E2F8: variants seen among roughly 807,000 people sequenced by gnomAD.
E2F8 encodes the protein E2F transcription factor 8, also known as transcription factor E2F8.
A neutral mutation model predicts 80.8 loss-of-function variants in E2F8; 35 were observed. The ratio of observed to expected loss-of-function variants is 0.43; its 90% CI spans 0.33 to 0.57. E2F8 has a LOEUF of 0.57. E2F8 is among the 20% of genes least tolerant of loss of function. The probability of loss-of-function intolerance (pLI) is 0.04; values close to 1 mark genes in which losing one functional copy is unlikely to be tolerated. For synonymous variants in E2F8, 386 were observed against 395.0 expected, an observed-to-expected ratio of 0.98 and a Z score of 0.27; for missense variants, 975 against 1,056.2, an observed-to-expected ratio of 0.92 and a Z score of 1.07.
intron 4 of E2F8, among the ~76,000 whole-genome samples, chr11:19,235,782 G>A (rs1027935993): frequency 6.6e-6 from 1 of 151,958 alleles, no homozygotes; most frequent in African/African-American, 2.4e-5. Context: ...CCTTCCAACC[G>A]CTTCCAATAC....
At position 19,229,483 on chromosome 11, in the gene E2F8, C is replaced by T; in HGVS notation, c.1864G>A (p.Asp622Asn). The T allele has an allele frequency of 1.2e-6, 2 of 1,613,944 alleles. No individual in the cohort carries two copies. Among genetic ancestry groups the T allele is most frequent in the Non-Finnish European group, 1.7e-6 (2 of 1,179,964 alleles). Residue 622 changes from aspartate (D) to asparagine (N), a missense_variant, in exon 10 of 13, where the codon GAC (aspartate) becomes AAC (asparagine). Physicochemically the swap from Asp to Asn is conservative, Grantham distance 23. Coordinates refer to ENST00000250024, the MANE Select transcript of E2F8 (RefSeq NM_024680.4). This position sits in a 1 kb window ranked among gnomAD's most constrained non-coding sequence, Gnocchi z 4.3. ...DSGSKKKFKE[D>N]LKGLENVSAT... Reference sequence around the variant, plus strand: ...GAGACATTTTCAAGTCCTTTTAGGTCCTCTTTAAATTTCTTTTTGGAACCA... The same window carrying T: ...GAGACATTTTCAAGTCCTTTTAGGTTCTCTTTAAATTTCTTTTTGGAACCA...
At chr11:19,234,081 G>A (rs1851448755) in intron 6 of E2F8, among the ~76,000 whole-genome samples, 1 of 144,448 alleles carries the variant, frequency 6.9e-6, no homozygotes. Flanking sequence ...CCGGGAGGCA[G>A]ATGTTGCAGT....
At chr11:19,235,485 A>G (rs559818954) in intron 4 of E2F8, among the ~76,000 whole-genome samples, 81 of 152,278 alleles carry the variant, frequency 5.3e-4, no homozygotes, top group African/African-American at 1.9e-3. Context: ...AGTCTCTACT[A>G]AAAATACAAA....
Position 19,235,008 on chromosome 11 carries a change from G to A in E2F8, c.502C>T (p.His168Tyr). 6.2e-7 allele frequency: 1 copy of A among 1,614,206 alleles called. No individual in the cohort carries two copies. Among genetic ancestry groups the A allele is most frequent in the South Asian group, 1.1e-5 (1 of 91,066 alleles). Residue 168 changes from histidine to tyrosine, a missense_variant, in exon 5 of 13, where the codon CAT (histidine) becomes TAT (tyrosine). Physicochemically the swap from His to Tyr is moderately conservative, Grantham distance 83. Transcript: ENST00000250024. ...TTTTTGGCGAGGCGGCTCACCATATGTAAACTCTCTAGGACGTTCACGATA... is the reference window on the plus strand; with the variant it reads ...TTTTTGGCGAGGCGGCTCACCATATATAAACTCTCTAGGACGTTCACGATA... ...YDIVNVLESL[H>Y]MVSRLAKNRY... is the part of the protein sequence containing the mutation.
chr11:19,231,588 C>T (rs1851384624), intron 7 of E2F8, among the ~76,000 whole-genome samples: 1 of 152,198 alleles, frequency 6.6e-6, no homozygotes, highest in South Asian at 2.1e-4. Flanking sequence ...AAAATGTCAG[C>T]ATCGCAGAGT....
At chr11:19,234,717 C>A (rs1851466781) in intron 5 of E2F8, 27 bp downstream of exon 5, 1 of 1,589,502 alleles carries the variant, frequency 6.3e-7, no homozygotes, top group Middle Eastern at 1.7e-4. Flanking sequence ...TGCCATGCCG[C>A]CTGGAGTTTT....
intron 10 of E2F8, 137 bp from the exon 11 acceptor site, chr11:19,226,001 G>C (rs531314772): frequency 1.0e-6 from 1 of 972,070 alleles, no homozygotes; most frequent in South Asian, 1.6e-5. Flanking sequence ...CTGCAGGCAG[G>C]CTGGTCACCT....
rs1851471399 is a variant in E2F8, at chr11:19,234,849, T to C, written c.661A>G (p.Ile221Val). Residue 221 changes from isoleucine (I) to valine (V), a missense_variant, in exon 5 of 13, where the codon ATT (isoleucine) becomes GTT (valine). Coordinates refer to ENST00000250024, the MANE Select transcript of E2F8 (RefSeq NM_024680.4). ...KKEYEQEFDF[I>V]KSYSIEDHII... ...TGATCCTCTATACTGTAACTCTTAA[T>C]AAAGTCAAACTCTTGCTCATATTCT... 5 of 1,614,126 alleles carry C rather than the reference T, an allele frequency of 3.1e-6. No homozygotes were observed. Among genetic ancestry groups the C allele is most frequent in the Non-Finnish European group, 4.2e-6 (5 of 1,180,052 alleles).
At chr11:19,233,570 CG>C (rs1335574825) in intron 6 of E2F8, among the ~76,000 whole-genome samples, 3 of 151,996 alleles carry the variant, frequency 2.0e-5, no homozygotes, top group Non-Finnish European at 4.4e-5. Context: ...TCACTGCAAG[CG>C]CCGCCTCCCA....
chr11:19,237,576 TCA>T (rs1851551490), intron 3 of E2F8, 106 bp from the exon 4 acceptor site: 1 of 1,244,252 alleles, frequency 8.0e-7, no homozygotes, highest in African/African-American at 1.5e-5. Context: ...ACGCTTAGCT[TCA>T]ACAGCTGCAA....
At chr11:19,237,828 C>T (rs751337589) in intron 3 of E2F8, 26 bp downstream of exon 3, 1 of 1,590,990 alleles carries the variant, frequency 6.3e-7, no homozygotes, top group East Asian at 2.2e-5. Flanking sequence ...ATTCCCCAGC[C>T]TCCAACCAGT....
rs1307804597 is a variant in E2F8 at position 19,230,338 on chromosome 11, T to C, written c.1271-10A>G. On this transcript the variant is annotated splice_polypyrimidine_tract_variant and intron_variant, in intron 8 of 12. Transcript: ENST00000250024. ...TTCTGAGAACTCTCAGCTGGTAAAA[T>C]AGAAAGGAAGAGAGCACCGGTCAAA... 5 of 1,612,184 alleles carry C rather than the reference T, an allele frequency of 3.1e-6. No individual in the cohort carries two copies. Among genetic ancestry groups the C allele is most frequent in the South Asian group, 2.2e-5 (2 of 90,616 alleles).
intron 6 of E2F8, among the ~76,000 whole-genome samples, chr11:19,234,140 C>T (rs1277357812): frequency 2.4e-5 from 3 of 126,348 alleles, no homozygotes; most frequent in Non-Finnish European, 4.8e-5. Context: ...GAGCTAGACT[C>T]CGTCTAAAAA....
At chr11:19,237,669 C>T (rs979347932) in intron 3 of E2F8, among the ~76,000 whole-genome samples, 185 bp downstream of exon 3, 1 of 152,168 alleles carries the variant, frequency 6.6e-6, no homozygotes, top group Admixed American at 6.5e-5. Flanking sequence ...ACGAAAATAA[C>T]GCAAAGGTTC....
At chr11:19,236,457 G>T (rs1851521225) in intron 4 of E2F8, among the ~76,000 whole-genome samples, 1 of 152,182 alleles carries the variant, frequency 6.6e-6, no homozygotes, top group Non-Finnish European at 1.5e-5. Context: ...AGAGAGAAGA[G>T]ATTTTGCCCT....
At position 19,234,911 on chromosome 11, in the gene E2F8, T is replaced by C. The variant is rs180865355; in HGVS notation, c.599A>G (p.Asn200Ser). 1.9e-6 allele frequency: 3 copies of C among 1,614,254 alleles called. No homozygotes were observed. In the Admixed American group the frequency reaches 5.0e-5, roughly 27 times the overall value. The change falls in exon 5 of 13, where the codon AAT becomes AGT. Residue 200 changes from asparagine (N) to serine (S), a missense_variant. Coordinates refer to ENST00000250024, the MANE Select transcript of E2F8 (RefSeq NM_024680.4). Reference protein sequence around the residue: ...LGTLKSIGEENKYAEQIMMIK... With the variant: ...LGTLKSIGEESKYAEQIMMIK... ...CATCATAATCTGCTCGGCGTACTTA[T>C]TCTCCTCCCCGATGCTCTTCAAGGT... is the stretch of plus-strand genomic sequence containing the variant.
chr11:19,234,104 C>T (rs892517013), intron 6 of E2F8, among the ~76,000 whole-genome samples: 2 of 145,544 alleles, frequency 1.4e-5, no homozygotes, highest in Non-Finnish European at 3.0e-5. Context: ...GCCTAGATCT[C>T]GCCACTGCAC....
chr11:19,236,898 G>A (rs1311159632), intron 4 of E2F8, among the ~76,000 whole-genome samples: 1 of 152,198 alleles, frequency 6.6e-6, no homozygotes, highest in Non-Finnish European at 1.5e-5. Context: ...GAAGGTCCAG[G>A]AGTGCACAGG....
Position 19,237,427 on chromosome 11 carries a change from C to T in E2F8, c.338G>A (p.Arg113Gln), listed in dbSNP as rs1565072511. 6 of 1,614,062 alleles carry T rather than the reference C, an allele frequency of 3.7e-6. No individual in the cohort carries two copies. Among genetic ancestry groups the T allele is most frequent in the Non-Finnish European group, 5.1e-6 (6 of 1,179,982 alleles). ...CAATAATCCTAAACTTTTCTCTTTT[C>T]GACTTGGTTGGGATTTCTCAAATTC... ...GDEFEKSQPS[R>Q]KEKSLGLLCH... The change falls in exon 4 of 13, where the codon CGA (arginine) becomes CAA (glutamine). Residue 113 changes from arginine (R) to glutamine (Q), a missense_variant. Physicochemically the swap from Arg to Gln is conservative, Grantham distance 43. Transcript: ENST00000250024.
Sources: gnomAD v4.1 joint callset for allele counts (sites outside exome capture counted in the v4.1 genomes callset) on GRCh38, gnomAD v4.1.1 for gene constraint, Gnocchi (gnomAD v3.1) non-coding constraint, MANE v1.5 for transcripts, NCBI Gene and HGNC (gene_info 2026-07-23, HGNC 2026-07-21) for gene names.